The following GRM5 variants were observed in gnomAD, a reference collection of about 807,000 sequenced individuals.
GRM5 encodes glutamate metabotropic receptor 5.
GRM5 carries 19 observed loss-of-function variants against 83.1 expected under a neutral mutation model. The observed-to-expected ratio is 0.23, with a 90% confidence interval of 0.16 to 0.34. The LOEUF (loss-of-function observed/expected upper bound fraction) is 0.34, where lower values mean the gene tolerates loss of function less well. Ranked by LOEUF, GRM5 falls within the 10% of genes least tolerant of loss-of-function variation. GRM5 has a pLI of 1.00. For missense variants in GRM5, 1,160 were observed against 1,588.3 expected, an observed-to-expected ratio of 0.73 and a Z score of 4.58; for synonymous variants, 675 against 633.6, an observed-to-expected ratio of 1.07 and a Z score of -0.98.
At chr11:88,733,331 G>A (rs1349793284) in intron 3 of GRM5, among the ~76,000 whole-genome samples, 1 of 151,926 alleles carries the variant, frequency 6.6e-6, no homozygotes, top group Non-Finnish European at 1.5e-5. Context: ...GTTTGGGAAG[G>A]TTCTGGAAAT....
intron 2 of GRM5, among the ~76,000 whole-genome samples, chr11:88,903,392 C>T (rs998483788): frequency 6.6e-6 from 1 of 152,194 alleles, no homozygotes; most frequent in African/African-American, 2.4e-5. Flanking sequence ...AATCCCACTA[C>T]TGGCTATCTG....
At chr11:88,640,550 C>T (rs1006945709) in intron 4 of GRM5, among the ~76,000 whole-genome samples, 3 of 152,134 alleles carry the variant, frequency 2.0e-5, no homozygotes, top group Admixed American at 1.3e-4. Context: ...GGCATCAGAT[C>T]CCACAGGTTA....
chr11:88,594,105 T>C (rs1198075870), intron 6 of GRM5, among the ~76,000 whole-genome samples: 1 of 152,138 alleles, frequency 6.6e-6, no homozygotes, highest in Non-Finnish European at 1.5e-5. Flanking sequence ...AGAAGTTACG[T>C]TTTCAAAATG....
intron 3 of GRM5, among the ~76,000 whole-genome samples, chr11:88,774,805 G>A (rs535184857): frequency 2.6e-5 from 4 of 152,264 alleles, no homozygotes; most frequent in Admixed American, 6.5e-5. Flanking sequence ...CAACTTGATC[G>A]TGGTGGATAA....
At chr11:89,035,674 G>A (rs17791976) in intron 2 of GRM5, among the ~76,000 whole-genome samples, 35,982 of 151,796 alleles carry the variant, frequency 0.24, 5,004 homozygotes, top group Non-Finnish European at 0.32. Flanking sequence ...ATAACAGCAC[G>A]AAAATCCACC....
At chr11:88,542,612 T>C (rs1942292191) in intron 8 of GRM5, among the ~76,000 whole-genome samples, 1 of 152,182 alleles carries the variant, frequency 6.6e-6, no homozygotes, top group South Asian at 2.1e-4. Flanking sequence ...CTTAAACATA[T>C]ATTGTGTATT....
intron 2 of GRM5, among the ~76,000 whole-genome samples, chr11:88,903,732 T>C (rs1182825952): frequency 4.6e-5 from 7 of 152,114 alleles, no homozygotes; most frequent in Non-Finnish European, 7.4e-5. Flanking sequence ...TGATGGATAA[T>C]AGAGATTAGG....
chr11:88,685,734 C>G (rs1417055572), intron 3 of GRM5, among the ~76,000 whole-genome samples: 1 of 152,210 alleles, frequency 6.6e-6, no homozygotes, highest in East Asian at 1.9e-4. Flanking sequence ...ATAGCTTGGG[C>G]TGTGGCTTCA....
chr11:88,752,197 G>A (rs1313982707), intron 3 of GRM5, among the ~76,000 whole-genome samples: 1 of 152,130 alleles, frequency 6.6e-6, no homozygotes, highest in East Asian at 1.9e-4. Flanking sequence ...CCTATATATA[G>A]ACAACCCCAT....
intron 3 of GRM5, among the ~76,000 whole-genome samples, chr11:88,684,268 C>G (rs1216491415): frequency 6.6e-6 from 1 of 152,068 alleles, no homozygotes; most frequent in African/African-American, 2.4e-5. Flanking sequence ...GATATGAAAC[C>G]ATTGGAATGT....
chr11:88,818,197 T>C (rs551105213), intron 3 of GRM5, among the ~76,000 whole-genome samples: 2 of 152,242 alleles, frequency 1.3e-5, no homozygotes, highest in Non-Finnish European at 2.9e-5. Flanking sequence ...TTATAATGCC[T>C]TGGAGGACAG....
chr11:88,935,280 T>C (rs191632907), intron 2 of GRM5, among the ~76,000 whole-genome samples: 106 of 151,984 alleles, frequency 7.0e-4, no homozygotes, highest in African/African-American at 2.5e-3. Flanking sequence ...AAGGAATGTA[T>C]AAGGTGACAA....
chr11:88,637,031 G>A (rs1409104385), intron 4 of GRM5, among the ~76,000 whole-genome samples: 3 of 152,108 alleles, frequency 2.0e-5, no homozygotes, highest in African/African-American at 7.2e-5. Context: ...ACTTGGCAAT[G>A]CGGGCTCTTT....
chr11:88,919,083 A>G (rs1356572243), intron 2 of GRM5, among the ~76,000 whole-genome samples: 3 of 149,952 alleles, frequency 2.0e-5, no homozygotes, highest in Non-Finnish European at 4.5e-5. Context: ...TAAACACTCC[A>G]ATAAAAAAAA....
At chr11:88,967,753 G>A (rs1939030598) in intron 2 of GRM5, among the ~76,000 whole-genome samples, 1 of 152,082 alleles carries the variant, frequency 6.6e-6, no homozygotes, top group Middle Eastern at 3.2e-3. Flanking sequence ...GCTCCCTGCT[G>A]ATGGATGCAT....
At chr11:88,600,592 A>G (rs1937957230) in intron 5 of GRM5, among the ~76,000 whole-genome samples, 1 of 152,158 alleles carries the variant, frequency 6.6e-6, no homozygotes. Context: ...AACAACAACA[A>G]AAAGTTCTAT....
intron 8 of GRM5, among the ~76,000 whole-genome samples, chr11:88,527,554 C>T (rs1941908723): frequency 6.6e-6 from 1 of 152,192 alleles, no homozygotes; most frequent in African/African-American, 2.4e-5. Context: ...GAACTTAAAG[C>T]AGAACTACCA....
intron 3 of GRM5, among the ~76,000 whole-genome samples, chr11:88,699,109 A>ACAAAAC (rs11404029): frequency 6.6e-6 from 1 of 152,070 alleles, no homozygotes; most frequent in Non-Finnish European, 1.5e-5. Flanking sequence ...ACAAAACAAA[A>ACAAAAC]AAAAAAACCG....
intron 2 of GRM5, among the ~76,000 whole-genome samples, chr11:88,964,287 CA>C (rs1938877728): frequency 6.6e-6 from 1 of 151,884 alleles, no homozygotes; most frequent in Non-Finnish European, 1.5e-5. Context: ...CCTTCCCATC[CA>C]AACATATTAT....
Sources: gnomAD v4.1 joint callset for allele counts (sites outside exome capture counted in the v4.1 genomes callset) on GRCh38, gnomAD v4.1.1 for gene constraint, MANE v1.5 for transcripts, NCBI Gene and HGNC (gene_info 2026-07-23, HGNC 2026-07-21) for gene names.